Variants in ATP8B1 observed in about 807,000 individuals in gnomAD.
ATP8B1 encodes the protein phospholipid-transporting ATPase IC.
In ATP8B1, 80 loss-of-function variants were observed where a neutral mutation model predicts 149.9. The observed-to-expected ratio is 0.53, with a 90% CI of 0.45 to 0.64. ATP8B1 has a LOEUF of 0.64. Among genes scored for constraint, ATP8B1 ranks in the 30% least tolerant of loss-of-function variants. The pLI, the probability that ATP8B1 is intolerant of heterozygous loss-of-function variation, is 0.00. For missense variants in ATP8B1, 1,247 were observed against 1,552.6 expected, an observed-to-expected ratio of 0.80 and a Z score of 3.31; for synonymous variants, 536 against 562.8, an observed-to-expected ratio of 0.95 and a Z score of 0.67.
intron 1 of ATP8B1, chr18:57,732,084 T>C: frequency 3.1e-6 from 1 of 322,938 alleles, no homozygotes; most frequent in Non-Finnish European, 5.8e-6. Context: ...AGGGTATATA[T>C]ATATATGTAT....
At chr18:57,788,019 G>A (rs1485235304) in intron 1 of ATP8B1, among the ~76,000 whole-genome samples, 3 of 151,828 alleles carry the variant, frequency 2.0e-5, no homozygotes, top group Non-Finnish European at 4.4e-5. Context: ...GCAACAGAGC[G>A]AGATCCATCT....
chr18:57,717,910 T>C (rs570481864), intron 2 of ATP8B1, among the ~76,000 whole-genome samples: 1 of 151,742 alleles, frequency 6.6e-6, no homozygotes, highest in African/African-American at 2.4e-5. Flanking sequence ...CACACCTGGC[T>C]AATTTTTGTA....
In ATP8B1 at chr18:57,655,413, G is replaced by T. The variant is rs1375487063; in HGVS notation, c.2712C>A (p.Ala904=). 1.2e-6 allele frequency: 2 copies of T among 1,613,910 alleles called. No individual in the cohort carries two copies. The highest frequency in any genetic ancestry group is 1.3e-5 in the African/African-American group (1 of 75,036). ...GTCCACTTATTCCAACGCCAATGTG[G>T]GCAGCTATGGGGCAGAGGGAGAAAA... ...GANDVNMIKT[A]HIGVGISGQE... Residue 904 remains alanine, a synonymous_variant, in exon 23 of 28, where the codon GCC becomes GCA. Coordinates refer to ENST00000648908, the MANE Select transcript of ATP8B1 (RefSeq NM_001374385.1).
At position 57,764,228 on chromosome 18, in the gene ATP8B1, C is replaced by T. The variant is rs2080184790; in HGVS notation, c.-25-32396G>A. Among the ~76,000 whole-genome samples the T allele has an allele frequency of 3.3e-5, 5 of 152,228 alleles. No homozygotes were observed. The South Asian group carries it at 1.0e-3, about 32-fold the overall frequency. On this transcript the variant is annotated intron_variant, in intron 1 of 27. Coordinates refer to ENST00000648908, the MANE Select transcript of ATP8B1 (RefSeq NM_001374385.1). The stretch of plus-strand genomic sequence containing the variant: ...CACCTCCGCCATGACTGTGCAGCCA[C>T]CTGCCCCAGGGAGCCTGCCTTCCTT...
intron 2 of ATP8B1, among the ~76,000 whole-genome samples, chr18:57,719,217 T>A (rs1246615584): frequency 2.0e-5 from 3 of 152,102 alleles, no homozygotes; most frequent in African/African-American, 7.2e-5. Context: ...CAGCAAACAA[T>A]CTGAAAAAGA....
chr18:57,727,667 T>C (rs1473424664), intron 2 of ATP8B1, among the ~76,000 whole-genome samples: 1 of 152,052 alleles, frequency 6.6e-6, no homozygotes, highest in African/African-American at 2.4e-5. Flanking sequence ...CATACGCCTG[T>C]AATCCCAGCT....
intron 13 of ATP8B1, among the ~76,000 whole-genome samples, chr18:57,686,641 G>T (rs535498888): frequency 6.6e-6 from 1 of 152,050 alleles, no homozygotes; most frequent in Non-Finnish European, 1.5e-5. Context: ...GGCTGGTCTC[G>T]AACTCCTGAG....
intron 1 of ATP8B1, among the ~76,000 whole-genome samples, chr18:57,742,382 C>T (rs1330691581): frequency 6.6e-6 from 1 of 152,064 alleles, no homozygotes; most frequent in African/African-American, 2.4e-5. Flanking sequence ...AATCTAGAAG[C>T]CTGGGATAAA....
At chr18:57,775,650 T>G (rs1191394677) in intron 1 of ATP8B1, among the ~76,000 whole-genome samples, 2 of 151,334 alleles carry the variant, frequency 1.3e-5, no homozygotes, top group Non-Finnish European at 3.0e-5. Flanking sequence ...ATGTTTTTTT[T>G]TTTTTTTTTT....
At chr18:57,684,625 A>C (rs1279281018) in intron 14 of ATP8B1, among the ~76,000 whole-genome samples, 1 of 152,200 alleles carries the variant, frequency 6.6e-6, no homozygotes, top group African/African-American at 2.4e-5. Context: ...TGCTGGGATT[A>C]CAGGCATGAG....
At chr18:57,719,574 A>C (rs1415860091) in intron 2 of ATP8B1, among the ~76,000 whole-genome samples, 2 of 152,198 alleles carry the variant, frequency 1.3e-5, no homozygotes, top group African/African-American at 2.4e-5. Context: ...CGGCGCACCT[A>C]GAGACTATAT....
At chr18:57,770,756 A>G (rs1173381503) in intron 1 of ATP8B1, among the ~76,000 whole-genome samples, 1 of 152,230 alleles carries the variant, frequency 6.6e-6, no homozygotes, top group Non-Finnish European at 1.5e-5. Flanking sequence ...ATGGCAATAT[A>G]CCTGTAGGTG....
chr18:57,701,191 G>A, intron 5 of ATP8B1, 24 bp downstream of exon 5: 1 of 1,613,106 alleles, frequency 6.2e-7, no homozygotes, highest in Non-Finnish European at 8.5e-7. Flanking sequence ...GCAATGAGTA[G>A]AACGTTGTAT....
intron 1 of ATP8B1, among the ~76,000 whole-genome samples, chr18:57,794,792 AAAAGAAAG>A (rs113119274): frequency 0.33 from 48,844 of 147,836 alleles, 8,144 homozygotes; most frequent in Non-Finnish European, 0.35. Context: ...CTCCGCCTCA[AAAAGAAAG>A]AAAGAAAGAA....
chr18:57,773,442 G>A (rs1010532421), intron 1 of ATP8B1, among the ~76,000 whole-genome samples: 12 of 152,106 alleles, frequency 7.9e-5, no homozygotes, highest in African/African-American at 2.7e-4. Flanking sequence ...GGGTCTGGGA[G>A]GAAAAACATT....
intron 1 of ATP8B1, among the ~76,000 whole-genome samples, chr18:57,782,808 T>A (rs2080369714): frequency 1.9e-5 from 1 of 53,504 alleles, no homozygotes; most frequent in African/African-American, 6.5e-5. Context: ...TGTCTCTTTT[T>A]TTTTTTTTTT....
chr18:57,743,002 A>C (rs1174566135), intron 1 of ATP8B1, among the ~76,000 whole-genome samples: 1 of 152,164 alleles, frequency 6.6e-6, no homozygotes, highest in Non-Finnish European at 1.5e-5. Flanking sequence ...CCATGGGCTC[A>C]CAGCATTTCC....
rs962644061 is a variant in ATP8B1, at chr18:57,748,536, G to A, written c.-25-16704C>T. ...GTGGTACCTTGTTACAGCAGCCCCA[G>A]CTAACTAATATATGGCTTGAATGTG... is the stretch of plus-strand genomic sequence containing the variant. On this transcript the variant is annotated intron_variant, in intron 1 of 27. Coordinates refer to ENST00000648908, the MANE Select transcript of ATP8B1 (RefSeq NM_001374385.1). 2.6e-5 allele frequency among the ~76,000 whole-genome samples: 4 copies of A among 152,176 alleles called. No individual in the cohort carries two copies. The East Asian group carries it at 7.7e-4, about 29-fold the overall frequency.
chr18:57,794,792 AAAAGAAAGAAAGAAAG>A lies in ATP8B1; in HGVS notation c.-26+8190_-26+8205del, dbSNP rs113119274. Among the ~76,000 whole-genome samples, 19 of 148,040 alleles carry A rather than the reference AAAAGAAAGAAAGAAAG, an allele frequency of 1.3e-4. No homozygotes were observed. In the South Asian group the frequency reaches 2.8e-3, roughly 22 times the overall value. ...GGCGACAGAGCGAAACTCCGCCTCA[AAAAGAAAGAAAGAAAG>A]AAAGAAAGAAAGAAAGAATGGCATA... On this transcript the variant is annotated intron_variant, in intron 1 of 27. Coordinates refer to ENST00000648908, the MANE Select transcript of ATP8B1 (RefSeq NM_001374385.1).
Sources: gnomAD v4.1 joint callset for allele counts (sites outside exome capture counted in the v4.1 genomes callset) on GRCh38, gnomAD v4.1.1 for gene constraint, MANE v1.5 for transcripts, NCBI Gene and HGNC (gene_info 2026-07-23, HGNC 2026-07-21) for gene names.